Variants in CNOT6 observed in about 807,000 individuals in gnomAD.
The protein encoded by CNOT6 is carbon catabolite repression 4 protein.
A neutral mutation model predicts 61.2 loss-of-function variants in CNOT6; 12 were observed. The ratio of observed to expected loss-of-function variants is 0.20; its 90% CI spans 0.13 to 0.32. CNOT6 has a LOEUF of 0.32. Among genes scored for constraint, CNOT6 ranks in the 10% least tolerant of loss-of-function variants. CNOT6 has a pLI of 1.00. For synonymous variants in CNOT6, 225 were observed against 240.6 expected, an observed-to-expected ratio of 0.94 and a Z score of 0.60; for missense variants, 405 against 663.9, an observed-to-expected ratio of 0.61 and a Z score of 4.28.
intron 1 of CNOT6, among the ~76,000 whole-genome samples, chr5:180,512,072 G>T (rs1217476607): frequency 6.6e-6 from 1 of 152,232 alleles, no homozygotes; most frequent in Non-Finnish European, 1.5e-5. Context: ...ATAAAGACAG[G>T]ATCTTTGGAA....
chr5:180,518,516 G>T (rs1757747662), intron 1 of CNOT6, among the ~76,000 whole-genome samples: 1 of 151,724 alleles, frequency 6.6e-6, no homozygotes. Context: ...GGGGGGAGGA[G>T]GGAGTTGATG....
rs1250737860 is a variant in CNOT6 at position 180,571,139 on chromosome 5, A to G, written c.1259-91A>G. The G allele has an allele frequency of 1.2e-5, 10 of 828,282 alleles. No individual in the cohort carries two copies. The East Asian group carries it at 1.6e-4, about 13-fold the overall frequency. The allele number at this position is 828,282 out of a possible 1,614,324, so 51.3% of individuals were successfully genotyped here. A position where few individuals can be genotyped will look rare whatever the true frequency, so the allele number is the denominator to read the frequency against. On this transcript the variant is annotated intron_variant, in intron 10 of 11. Transcript: ENST00000261951. Reference sequence around the variant, plus strand: ...AGGAAACATTTTGGAACGTGGGAATATGTATAGTTTAAAACTTCTTACTAT... The same window carrying G: ...AGGAAACATTTTGGAACGTGGGAATGTGTATAGTTTAAAACTTCTTACTAT...
At chr5:180,539,878 C>T (rs543659216) in intron 2 of CNOT6, among the ~76,000 whole-genome samples, 4 of 152,058 alleles carry the variant, frequency 2.6e-5, no homozygotes, top group South Asian at 4.1e-4. Context: ...CGTGAGCCAC[C>T]GCGCCCAGCC....
chr5:180,503,040 A>G (rs1319214272), intron 1 of CNOT6, among the ~76,000 whole-genome samples: 1 of 152,170 alleles, frequency 6.6e-6, no homozygotes, highest in East Asian at 1.9e-4. Context: ...TAGAAACTCA[A>G]AGATTTAGGG....
chr5:180,511,827 G>C (rs898595538), intron 1 of CNOT6, among the ~76,000 whole-genome samples: 5 of 151,868 alleles, frequency 3.3e-5, no homozygotes, highest in African/African-American at 9.7e-5. Context: ...TCTCTCTGTT[G>C]CCCAGGCTGG....
chr5:180,567,486 A>G (rs1217132180), intron 8 of CNOT6, among the ~76,000 whole-genome samples: 1 of 152,228 alleles, frequency 6.6e-6, no homozygotes, highest in Non-Finnish European at 1.5e-5. Context: ...CCAATTGTTA[A>G]TTGAAATACC....
chr5:180,540,742 C>G (rs1382584290), intron 2 of CNOT6, among the ~76,000 whole-genome samples: 3 of 152,156 alleles, frequency 2.0e-5, no homozygotes, highest in Non-Finnish European at 2.9e-5. Flanking sequence ...TTGAGGCGCA[C>G]CTGTATTTCT....
At chr5:180,550,259 G>C (rs916509097) in intron 3 of CNOT6, 142 bp downstream of exon 3, 2 of 584,686 alleles carry the variant, frequency 3.4e-6, no homozygotes, top group Non-Finnish European at 5.8e-6. Flanking sequence ...AGACCATTCT[G>C]GCCAACATGG....
intron 1 of CNOT6, among the ~76,000 whole-genome samples, chr5:180,523,243 C>T (rs1216588888): frequency 1.3e-5 from 2 of 152,132 alleles, no homozygotes; most frequent in East Asian, 1.9e-4. Flanking sequence ...AGTTGCTTCT[C>T]AGGTACCCCT....
At chr5:180,515,046 G>A (rs756669455) in intron 1 of CNOT6, among the ~76,000 whole-genome samples, 2 of 152,092 alleles carry the variant, frequency 1.3e-5, no homozygotes, top group Non-Finnish European at 2.9e-5. Context: ...GTAACATGTC[G>A]TCTGAGTTCC....
chr5:180,521,247 C>T lies in CNOT6; in HGVS notation c.-2-8028C>T, dbSNP rs903165878. Among the ~76,000 whole-genome samples, 50 of 152,164 alleles carry T rather than the reference C, an allele frequency of 3.3e-4. 1 individual carries two copies. The highest frequency in any genetic ancestry group is 9.9e-4 in the African/African-American group (41 of 41,444). ...CAGCAGTTAAGAGGAAGAGGAAAGA[C>T]ATCTTCCCTGGCACTCACTGGTTAG... On this transcript the variant is annotated intron_variant, in intron 1 of 11. Coordinates refer to ENST00000261951, the MANE Select transcript of CNOT6 (RefSeq NM_001370472.1).
chr5:180,567,708 T>C (rs1424361612), intron 8 of CNOT6, 141 bp from the exon 9 acceptor site: 2 of 1,072,062 alleles, frequency 1.9e-6, no homozygotes, highest in African/African-American at 3.1e-5. Flanking sequence ...AGCTTGATGC[T>C]GAACGTGGAG....
At chr5:180,545,437 T>C (rs1007086671) in intron 2 of CNOT6, among the ~76,000 whole-genome samples, 4 of 152,232 alleles carry the variant, frequency 2.6e-5, no homozygotes, top group Admixed American at 6.5e-5. Flanking sequence ...TTTTTCTTTT[T>C]TTCATGAAAA....
intron 2 of CNOT6, among the ~76,000 whole-genome samples, chr5:180,542,990 C>T (rs1759120009): frequency 1.3e-5 from 2 of 152,152 alleles, no homozygotes; most frequent in African/African-American, 2.4e-5. Context: ...ATATATCTTT[C>T]TCTAGTACAT....
At chr5:180,515,379 C>T (rs1366027346) in intron 1 of CNOT6, among the ~76,000 whole-genome samples, 4 of 152,286 alleles carry the variant, frequency 2.6e-5, no homozygotes, top group Middle Eastern at 3.4e-3. Context: ...GTCTCAAAGT[C>T]TTAGAACTAG....
At position 180,565,355 on chromosome 5, in the gene CNOT6, T is replaced by C. The variant is rs1211561746; in HGVS notation, c.560-465T>C. ...TTCTATGTAAATAGTTTGGGAGCTT[T>C]CATGGTGCGTGTAACAAAATTTGGT... is the stretch of plus-strand genomic sequence containing the variant. On this transcript the variant is annotated intron_variant, in intron 6 of 11. Coordinates refer to ENST00000261951, the MANE Select transcript of CNOT6 (RefSeq NM_001370472.1). 3.9e-5 allele frequency among the ~76,000 whole-genome samples: 6 copies of C among 152,342 alleles called. No individual in the cohort carries two copies. In the East Asian group the frequency reaches 1.2e-3, roughly 29 times the overall value.
intron 1 of CNOT6, among the ~76,000 whole-genome samples, chr5:180,516,743 C>A (rs887844220): frequency 3.3e-5 from 5 of 152,196 alleles, no homozygotes; most frequent in African/African-American, 1.2e-4. Context: ...ACATAGGGAT[C>A]ATTCATTGCA....
At chr5:180,511,945 T>C (rs1757418261) in intron 1 of CNOT6, among the ~76,000 whole-genome samples, 1 of 152,240 alleles carries the variant, frequency 6.6e-6, no homozygotes, top group Non-Finnish European at 1.5e-5. Context: ...ATCACTGTTT[T>C]CCTTCTTCCC....
At chr5:180,538,463 A>G (rs1459038907) in intron 2 of CNOT6, among the ~76,000 whole-genome samples, 2 of 150,432 alleles carry the variant, frequency 1.3e-5, no homozygotes, top group Non-Finnish European at 3.0e-5. Context: ...AGGGAGGCCG[A>G]TTACCTGAGC....
Sources: gnomAD v4.1 joint callset for allele counts (sites outside exome capture counted in the v4.1 genomes callset) on GRCh38, gnomAD v4.1.1 for gene constraint, MANE v1.5 for transcripts, NCBI Gene and HGNC (gene_info 2026-07-23, HGNC 2026-07-21) for gene names.